The following ADAMTSL1 variants were observed in gnomAD, a reference collection of about 807,000 sequenced individuals.
The protein encoded by ADAMTSL1 is ADAMTS-like protein 1.
Under a neutral mutation model 201.8 loss-of-function variants are expected in ADAMTSL1, and 126 were observed. The ratio of observed to expected loss-of-function variants is 0.62; its 90% CI spans 0.54 to 0.72. ADAMTSL1 has a LOEUF of 0.72. Ranked by LOEUF, ADAMTSL1 falls within the 30% of genes least tolerant of loss-of-function variation. The probability of loss-of-function intolerance (pLI) is 0.00; values close to 1 mark genes in which losing one functional copy is unlikely to be tolerated. For synonymous variants in ADAMTSL1, 1,121 were observed against 903.4 expected, an observed-to-expected ratio of 1.24 and a Z score of -4.32; for missense variants, 2,679 against 2,277.8, an observed-to-expected ratio of 1.18 and a Z score of -3.59.
intron 3 of ADAMTSL1, among the ~76,000 whole-genome samples, chr9:18,569,000 C>A (rs1158462475): frequency 6.6e-6 from 1 of 151,862 alleles, no homozygotes. Context: ...TTCTCCTGAC[C>A]CTGAATCTAC....
intron 2 of ADAMTSL1, among the ~76,000 whole-genome samples, chr9:18,412,484 G>C (rs1242904295): frequency 6.6e-6 from 1 of 152,100 alleles, no homozygotes; most frequent in Non-Finnish European, 1.5e-5. Context: ...TTTCATAAAA[G>C]AACATTTCCT....
intron 4 of ADAMTSL1, among the ~76,000 whole-genome samples, chr9:18,595,020 T>G (rs539211925): frequency 6.6e-6 from 1 of 152,288 alleles, no homozygotes; most frequent in South Asian, 2.1e-4. Context: ...GGTGAAGATG[T>G]CTCAGCACTA....
At chr9:18,907,092 A>G (rs1588365908) in intron 28 of ADAMTSL1, 180 bp downstream of exon 28, 1 of 653,552 alleles carries the variant, frequency 1.5e-6, no homozygotes, top group East Asian at 2.8e-5. Context: ...AGGTGTATAT[A>G]AGCATGACAG....
At chr9:18,473,661 G>A (rs1017676638), upstream of ADAMTSL1, among the ~76,000 whole-genome samples, 3 of 152,156 alleles carry the variant, frequency 2.0e-5, no homozygotes, top group Non-Finnish European at 4.4e-5. Flanking sequence ...GGCACATTAA[G>A]TCGGTTTTTG....
At chr9:18,271,268 G>A (rs576403573) in intron 2 of ADAMTSL1, among the ~76,000 whole-genome samples, 1 of 152,198 alleles carries the variant, frequency 6.6e-6, no homozygotes, top group South Asian at 2.1e-4. Context: ...TGCCATGTTG[G>A]TGTGCTGCAC....
chr9:18,591,439 G>A lies in ADAMTSL1; in HGVS notation c.474+17173G>A, dbSNP rs186919791. Among the ~76,000 whole-genome samples, 93 of 152,124 alleles carry A rather than the reference G, an allele frequency of 6.1e-4. 1 individual carries two copies. The highest frequency in any genetic ancestry group is 1.9e-4 in the Non-Finnish European group (13 of 67,966). On this transcript the variant is annotated intron_variant, in intron 4 of 28. Coordinates refer to ENST00000380548, the MANE Select transcript of ADAMTSL1 (RefSeq NM_001040272.6). ...GTGAAGTGAGCTTCTTGTTTACAGCGTATAGTTGGGCCTTATTATTTATTC... is the reference window on the plus strand; with the variant it reads ...GTGAAGTGAGCTTCTTGTTTACAGCATATAGTTGGGCCTTATTATTTATTC...
chr9:18,027,524 T>C (rs1042045413), intron 1 of ADAMTSL1, among the ~76,000 whole-genome samples: 5 of 152,028 alleles, frequency 3.3e-5, no homozygotes, highest in African/African-American at 1.2e-4. Flanking sequence ...TGTGTGGTTT[T>C]GAGAGATTTT....
chr9:18,847,513 A>G (rs1826202186), intron 23 of ADAMTSL1, among the ~76,000 whole-genome samples: 1 of 152,256 alleles, frequency 6.6e-6, no homozygotes, highest in Non-Finnish European at 1.5e-5. Context: ...AAAGAAAAAT[A>G]AAGCAGGATA....
At chr9:18,017,542 C>G (rs1820308921) in intron 1 of ADAMTSL1, among the ~76,000 whole-genome samples, 2 of 151,904 alleles carry the variant, frequency 1.3e-5, no homozygotes, top group African/African-American at 2.4e-5. Context: ...TGTGGCACCT[C>G]TCTTCTCTTA....
At chr9:18,002,428 TGATA>T (rs1819650104) in intron 1 of ADAMTSL1, among the ~76,000 whole-genome samples, 1 of 152,058 alleles carries the variant, frequency 6.6e-6, no homozygotes, top group Admixed American at 6.6e-5. Context: ...TAAAGGGCTA[TGATA>T]GATAGTGTAA....
chr9:18,070,916 G>A (rs1009788338), intron 1 of ADAMTSL1, among the ~76,000 whole-genome samples: 3 of 152,212 alleles, frequency 2.0e-5, no homozygotes, highest in African/African-American at 7.2e-5. Context: ...GCACTTGGCA[G>A]CCCAGGTCTA....
intron 2 of ADAMTSL1, among the ~76,000 whole-genome samples, chr9:18,317,737 C>A (rs1174442550): frequency 6.6e-6 from 1 of 152,180 alleles, no homozygotes; most frequent in Admixed American, 6.5e-5. Context: ...CTATCCCTGG[C>A]CTTGGTGGAG....
At chr9:18,450,773 G>A (rs1166749750) in intron 2 of ADAMTSL1, among the ~76,000 whole-genome samples, 1 of 152,136 alleles carries the variant, frequency 6.6e-6, no homozygotes. Flanking sequence ...TGAGAGAGTA[G>A]GAAGAGGCAA....
intron 23 of ADAMTSL1, among the ~76,000 whole-genome samples, chr9:18,865,076 C>T (rs1244762427): frequency 7.9e-5 from 12 of 151,966 alleles, no homozygotes; most frequent in Non-Finnish European, 1.8e-4. Context: ...TTCTAGGGTA[C>T]ATGTGCACAA....
In ADAMTSL1 at chr9:18,090,432, G is replaced by A. The variant is rs866229915; in HGVS notation, c.88-73430G>A. On this transcript the variant is annotated intron_variant, in intron 1 of 29. Transcript: ENST00000680146. ...TATTCAGCCTTAAAAAGGAAATTCT[G>A]ACTCACACTGCAACATGGATGAACC... is the stretch of plus-strand genomic sequence containing the variant. Among the ~76,000 whole-genome samples the A allele has an allele frequency of 5.3e-5, 8 of 152,214 alleles. No individual in the cohort carries two copies. The South Asian group carries it at 8.3e-4, about 16-fold the overall frequency.
chr9:18,041,099 A>C (rs1309588445), intron 1 of ADAMTSL1, among the ~76,000 whole-genome samples: 1 of 152,212 alleles, frequency 6.6e-6, no homozygotes, highest in East Asian at 1.9e-4. Context: ...CTGCTGAAGG[A>C]GCATCAGAAG....
At chr9:18,547,459 A>G (rs542197805) in intron 3 of ADAMTSL1, among the ~76,000 whole-genome samples, 4 of 152,038 alleles carry the variant, frequency 2.6e-5, no homozygotes, top group Admixed American at 6.6e-5. Context: ...CTGATTTCAT[A>G]GGCTTTTTGG....
intron 12 of ADAMTSL1, 115 bp downstream of exon 12, chr9:18,682,074 A>G: frequency 1.6e-6 from 2 of 1,240,476 alleles, no homozygotes; most frequent in South Asian, 1.7e-5. Flanking sequence ...AGAATTCTTT[A>G]TAACTTAAAC....
At chr9:18,475,897 C>T (rs1428812695) in intron 1 of ADAMTSL1, among the ~76,000 whole-genome samples, 1 of 152,006 alleles carries the variant, frequency 6.6e-6, no homozygotes, top group African/African-American at 2.4e-5. Flanking sequence ...GATTGTTTTG[C>T]TATCCATTTG....
Sources: allele counts gnomAD v4.1 joint callset (sites outside exome capture counted in the v4.1 genomes callset), GRCh38; gene constraint gnomAD v4.1.1; transcripts MANE v1.5; gene names NCBI Gene and HGNC (gene_info 2026-07-23, HGNC 2026-07-21).